Variants in FAM114A2 observed in about 807,000 individuals in gnomAD.
FAM114A2 encodes the protein protein FAM114A2.
Under a neutral mutation model 58.4 loss-of-function variants are expected in FAM114A2, and 53 were observed. The observed-to-expected ratio is 0.91, with a 90% CI of 0.73 to 1.14. FAM114A2 has a LOEUF of 1.14. Among genes scored for constraint, FAM114A2 ranks in the 50% most tolerant of loss-of-function variants. The pLI, the probability that FAM114A2 is intolerant of heterozygous loss-of-function variation, is 0.00. For synonymous variants in FAM114A2, 228 were observed against 211.4 expected (o/e 1.08, Z -0.68); for missense variants, 601 against 581.1 (o/e 1.03, Z -0.35).
intron 9 of FAM114A2, among the ~76,000 whole-genome samples, chr5:154,003,323 C>T (rs1244445012): frequency 2.0e-5 from 3 of 151,840 alleles, no homozygotes; most frequent in Non-Finnish European, 4.4e-5. Context: ...GGATTACAGG[C>T]GCCCACCACC....
intron 8 of FAM114A2, among the ~76,000 whole-genome samples, chr5:154,015,716 T>G (rs192239491): frequency 7.4e-4 from 113 of 152,162 alleles, no homozygotes; most frequent in African/African-American, 2.6e-3. Context: ...AACAAGGTTC[T>G]TTAACACCCC....
rs115795695 is a variant in FAM114A2, at chr5:154,035,273, C to T, written c.-14-306G>A. ...GTATACCTTTGTGTGACTATCACCACAATCAAGATACAGAACAGTTCAATC... is the reference window on the plus strand; with the variant it reads ...GTATACCTTTGTGTGACTATCACCATAATCAAGATACAGAACAGTTCAATC... On this transcript the variant is annotated intron_variant, in intron 1 of 13. Coordinates refer to ENST00000351797, the MANE Select transcript of FAM114A2 (RefSeq NM_018691.4). Among the ~76,000 whole-genome samples the T allele has an allele frequency of 3.5e-3, 536 of 152,274 alleles. 3 individuals carry two copies. Among genetic ancestry groups the T allele is most frequent in the African/African-American group, 0.012 (492 of 41,552 alleles).
At chr5:154,020,092 A>C (rs923891524) in intron 8 of FAM114A2, among the ~76,000 whole-genome samples, 2 of 152,204 alleles carry the variant, frequency 1.3e-5, no homozygotes, top group African/African-American at 4.8e-5. Flanking sequence ...TGTTCTTTGA[A>C]ACCAATGAGA....
chr5:153,993,238 C>T lies in FAM114A2; in HGVS notation c.1384-128G>A. On this transcript the variant is annotated intron_variant, in intron 13 of 13. Coordinates refer to ENST00000351797, the MANE Select transcript of FAM114A2 (RefSeq NM_018691.4). ...GAATTCATAGCCTGGCAAGTAAGAGCAGTGACTTGGCCATTTTGGTAAACT... is the reference window on the plus strand; with the variant it reads ...GAATTCATAGCCTGGCAAGTAAGAGTAGTGACTTGGCCATTTTGGTAAACT... The T allele has an allele frequency of 5.6e-6, 4 of 713,112 alleles. No homozygotes were observed. The South Asian group carries it at 8.1e-5, about 15-fold the overall frequency. 44.2% of individuals were successfully genotyped at this position (713,112 alleles called of 1,614,324 possible). A position where few individuals can be genotyped will look rare whatever the true frequency, so the allele number is the denominator to read the frequency against.
intron 8 of FAM114A2, among the ~76,000 whole-genome samples, chr5:154,025,935 A>C (rs1771742812): frequency 1.3e-5 from 2 of 152,212 alleles, no homozygotes; most frequent in Non-Finnish European, 2.9e-5. Flanking sequence ...TTCAAAATAA[A>C]AAAAGACAAA....
chr5:154,027,341 A>C lies in FAM114A2; in HGVS notation c.631-7T>G. On this transcript the variant is annotated splice_region_variant and splice_polypyrimidine_tract_variant and intron_variant, in intron 6 of 13. Coordinates refer to ENST00000351797, the MANE Select transcript of FAM114A2 (RefSeq NM_018691.4). Reference sequence around the variant, plus strand: ...CCTTCGCCTCTCGTAAAACCTAAAAAGAGATGGAGGCATTACACTGTAGCA... The same window carrying C: ...CCTTCGCCTCTCGTAAAACCTAAAACGAGATGGAGGCATTACACTGTAGCA... 2 of 1,607,874 alleles carry C rather than the reference A, an allele frequency of 1.2e-6. No homozygotes were observed. Among genetic ancestry groups the C allele is most frequent in the Non-Finnish European group, 1.7e-6 (2 of 1,177,786 alleles).
At position 154,021,062 on chromosome 5, in the gene FAM114A2, C is replaced by G. The variant is rs546539751; in HGVS notation, c.913+5337G>C. ...GACAAAAACCACATGATTATCTCAACAGATGCAGAAAAGGCCTTTGACAAA... is the reference window on the plus strand; with the variant it reads ...GACAAAAACCACATGATTATCTCAAGAGATGCAGAAAAGGCCTTTGACAAA... On this transcript the variant is annotated intron_variant, in intron 8 of 13. Transcript: ENST00000351797. Among the ~76,000 whole-genome samples the G allele has an allele frequency of 3.3e-5, 5 of 152,236 alleles. No homozygotes were observed. The East Asian group carries it at 7.7e-4, about 23-fold the overall frequency.
chr5:154,010,434 T>C lies in FAM114A2; in HGVS notation c.993+807A>G, dbSNP rs150020158. 2.9e-4 allele frequency among the ~76,000 whole-genome samples: 44 copies of C among 152,286 alleles called. 1 individual carries two copies. Among genetic ancestry groups the C allele is most frequent in the Admixed American group, 1.8e-3 (27 of 15,296 alleles). ...GAGAATGCAGCATTTTCGATGGGCATAGGAGAGTGGGATAACACACCAAAC... is the reference window on the plus strand; with the variant it reads ...GAGAATGCAGCATTTTCGATGGGCACAGGAGAGTGGGATAACACACCAAAC... On this transcript the variant is annotated intron_variant, in intron 9 of 13. Transcript: ENST00000351797.
At position 154,024,327 on chromosome 5, in the gene FAM114A2, A is replaced by C. The variant is rs538889890; in HGVS notation, c.913+2072T>G. ...TTATAAATATTTATATAAAGCTAAA[A>C]CAAAGTGTTTATTAATTCATTCAAA... On this transcript the variant is annotated intron_variant, in intron 8 of 13. Coordinates refer to ENST00000351797, the MANE Select transcript of FAM114A2 (RefSeq NM_018691.4). Among the ~76,000 whole-genome samples, 7 of 152,260 alleles carry C rather than the reference A, an allele frequency of 4.6e-5. No individual in the cohort carries two copies. In the East Asian group the frequency reaches 1.3e-3, roughly 29 times the overall value.
intron 3 of FAM114A2, 90 bp from the exon 4 acceptor site, chr5:154,033,973 G>T: frequency 1.3e-6 from 1 of 785,618 alleles, no homozygotes; most frequent in South Asian, 1.6e-5. Context: ...AATCATTTAG[G>T]ACCACAAGAC....
At chr5:154,032,052 T>G (rs1273150228) in intron 4 of FAM114A2, among the ~76,000 whole-genome samples, 1 of 152,240 alleles carries the variant, frequency 6.6e-6, no homozygotes, top group Non-Finnish European at 1.5e-5. Flanking sequence ...TGACTCTACC[T>G]CTGCTCTTTC....
chr5:154,014,415 A>ATATACCCTC (rs934728656), intron 8 of FAM114A2, among the ~76,000 whole-genome samples: 3 of 152,148 alleles, frequency 2.0e-5, no homozygotes, highest in African/African-American at 7.2e-5. Flanking sequence ...AAGAGAACCC[A>ATATACCCTC]TATACCCTCT....
chr5:154,021,433 A>T (rs1398135311), intron 8 of FAM114A2, among the ~76,000 whole-genome samples: 1 of 152,234 alleles, frequency 6.6e-6, no homozygotes, highest in Non-Finnish European at 1.5e-5. Flanking sequence ...TAAGCTGATA[A>T]GCAACCTCAG....
intron 8 of FAM114A2, among the ~76,000 whole-genome samples, chr5:154,026,110 A>T (rs1771752756): frequency 6.6e-6 from 1 of 152,208 alleles, no homozygotes; most frequent in African/African-American, 2.4e-5. Context: ...CAGCTTTCTA[A>T]CTGCAAAAAT....
chr5:154,010,569 T>C (rs77133403), intron 9 of FAM114A2, among the ~76,000 whole-genome samples: 6 of 152,140 alleles, frequency 3.9e-5, no homozygotes. Flanking sequence ...TGACTGGTCC[T>C]GAAATGCTTC....
chr5:154,023,345 CA>C (rs1342336948), intron 8 of FAM114A2, among the ~76,000 whole-genome samples: 15 of 152,126 alleles, frequency 9.9e-5, no homozygotes, highest in South Asian at 4.2e-4. Flanking sequence ...CAGCACAATT[CA>C]AAAGTGCAAA....
At chr5:154,018,809 T>C (rs997111812) in intron 8 of FAM114A2, among the ~76,000 whole-genome samples, 14 of 152,104 alleles carry the variant, frequency 9.2e-5, no homozygotes, top group African/African-American at 3.4e-4. Context: ...ACAAAAATCA[T>C]ACAATCATCT....
intron 4 of FAM114A2, among the ~76,000 whole-genome samples, chr5:154,032,570 G>A (rs150638280): frequency 1.3e-5 from 2 of 152,104 alleles, no homozygotes; most frequent in Non-Finnish European, 2.9e-5. Flanking sequence ...GCTACATCAA[G>A]AACATGAGAT....
At chr5:154,012,800 A>G (rs1770783806) in intron 8 of FAM114A2, among the ~76,000 whole-genome samples, 1 of 152,208 alleles carries the variant, frequency 6.6e-6, no homozygotes, top group Non-Finnish European at 1.5e-5. Context: ...CAAGTAATTT[A>G]TAATTTGGAT....
Sources: gnomAD v4.1 joint callset for allele counts (sites outside exome capture counted in the v4.1 genomes callset) on GRCh38, gnomAD v4.1.1 for gene constraint, MANE v1.5 for transcripts, NCBI Gene and HGNC (gene_info 2026-07-23, HGNC 2026-07-21) for gene names.